The following OSMR variants were observed in gnomAD, a reference collection of about 807,000 sequenced individuals.
OSMR encodes the protein oncostatin-M-specific receptor subunit beta.
OSMR carries 81 observed loss-of-function variants against 99.9 expected under a neutral mutation model. The ratio of observed to expected loss-of-function variants is 0.81; its 90% confidence interval spans 0.68 to 0.97. The LOEUF is 0.97. OSMR is among the 50% of genes least tolerant of loss of function. The pLI, the probability that OSMR is intolerant of heterozygous loss-of-function variation, is 0.00. For missense variants in OSMR, 1,099 were observed against 1,153.4 expected, an observed-to-expected ratio of 0.95 and a Z score of 0.68; for synonymous variants, 406 against 410.4, an observed-to-expected ratio of 0.99 and a Z score of 0.13.
intron 5 of OSMR, 80 bp from the exon 6 acceptor site, chr5:38,885,269 A>G (rs1743622760): frequency 6.3e-7 from 1 of 1,599,520 alleles, no homozygotes; most frequent in Non-Finnish European, 8.5e-7. Flanking sequence ...CTGTGGCTTC[A>G]GACTCTAAAC....
intron 5 of OSMR, among the ~76,000 whole-genome samples, chr5:38,884,432 G>C (rs1365233529): frequency 2.6e-5 from 4 of 152,318 alleles, no homozygotes; most frequent in Non-Finnish European, 5.9e-5. Flanking sequence ...ATCATGGAGG[G>C]AGGGTAGGAG....
At chr5:38,915,997 T>C (rs1745872076) in intron 9 of OSMR, among the ~76,000 whole-genome samples, 1 of 152,246 alleles carries the variant, frequency 6.6e-6, no homozygotes, top group Non-Finnish European at 1.5e-5. Flanking sequence ...TTGTGGCTTA[T>C]GAATGTTTTA....
chr5:38,935,796 A>AT (rs1746993014), downstream of OSMR, among the ~76,000 whole-genome samples: 1 of 151,990 alleles, frequency 6.6e-6, no homozygotes. Flanking sequence ...CCTGGAATCT[A>AT]TTTTTTATCA....
intron 2 of OSMR, among the ~76,000 whole-genome samples, chr5:38,870,977 A>T (rs1742339997): frequency 6.6e-6 from 1 of 152,126 alleles, no homozygotes; most frequent in Admixed American, 6.5e-5. Flanking sequence ...TAACAGATGA[A>T]CTTGCCTTGT....
chr5:38,892,048 T>TG (rs1189752289), intron 7 of OSMR, among the ~76,000 whole-genome samples: 2 of 152,114 alleles, frequency 1.3e-5, no homozygotes, highest in African/African-American at 2.4e-5. Flanking sequence ...TGAGTTCCTC[T>TG]GGGGAAAAAC....
In OSMR at chr5:38,918,974, G is replaced by T; in HGVS notation, c.1497G>T (p.Arg499Ser). ...PANSTKLILD[R>S]CSYQICVIAN... ...ACAGCACAAAACTAATCCTTGACAG[G>T]TGTTCCTACCAAATCTGCGTCATAG... The change falls in exon 11 of 18, where the codon AGG becomes AGT. Residue 499 changes from arginine to serine, a missense_variant. Transcript: ENST00000274276. The T allele has an allele frequency of 6.2e-7, 1 of 1,614,124 alleles. No individual in the cohort carries two copies. Among genetic ancestry groups the T allele is most frequent in the Non-Finnish European group, 8.5e-7 (1 of 1,180,016 alleles).
At position 38,932,472 on chromosome 5, in the gene OSMR, G is replaced by A. The variant is rs142019699; in HGVS notation, c.2304G>A (p.Glu768=). 57 of 1,613,170 alleles carry A rather than the reference G, an allele frequency of 3.5e-5. No individual in the cohort carries two copies. Among genetic ancestry groups the A allele is most frequent in the African/African-American group, 6.7e-5 (5 of 74,896 alleles). ...TCGCTTTTTTTTCTAGGATCAAGGAGACCTGTTATCCTGACATCCCTGACC... is the reference window on the plus strand; with the variant it reads ...TCGCTTTTTTTTCTAGGATCAAGGAAACCTGTTATCCTGACATCCCTGACC... The part of the protein sequence containing the change: ...MCYLKSQWIK[E]TCYPDIPDPY... Residue 768 remains glutamate, a synonymous_variant, in exon 17 of 18, where the codon GAG becomes GAA. Coordinates refer to ENST00000274276, the MANE Select transcript of OSMR (RefSeq NM_003999.3).
chr5:38,907,027 AAT>A (rs1745283932), intron 9 of OSMR, among the ~76,000 whole-genome samples: 1 of 152,274 alleles, frequency 6.6e-6, no homozygotes, highest in South Asian at 2.1e-4. Context: ...ATATTTAAAA[AAT>A]AGAAGTTGGA....
At chr5:38,942,877 G>A (rs2112784782) in intron 1 of OSMR, 1 of 1,611,428 alleles carries the variant, frequency 6.2e-7, no homozygotes, top group Non-Finnish European at 8.5e-7. Flanking sequence ...ATGAACCTCC[G>A]ACACGGAAGT....
At chr5:38,848,877 G>A (rs1005920978) in intron 1 of OSMR, among the ~76,000 whole-genome samples, 2 of 151,860 alleles carry the variant, frequency 1.3e-5, no homozygotes, top group Admixed American at 6.6e-5. Context: ...GGGCTCAAGT[G>A]ATCCTCCCAC....
chr5:38,939,201 T>C (rs1008313737), downstream of OSMR: 2 of 232,964 alleles, frequency 8.6e-6, no homozygotes, highest in African/African-American at 4.4e-5. Context: ...AGTAGGAAAA[T>C]GTAAATAAGC....
chr5:38,913,081 C>A (rs1745687583), intron 9 of OSMR, among the ~76,000 whole-genome samples: 1 of 152,038 alleles, frequency 6.6e-6, no homozygotes, highest in South Asian at 2.1e-4. Flanking sequence ...ACAAGTCAGA[C>A]CTAATTAAAC....
At chr5:38,885,172 G>A in intron 5 of OSMR, 177 bp from the exon 6 acceptor site, 1 of 985,218 alleles carries the variant, frequency 1.0e-6, no homozygotes, top group Non-Finnish European at 1.2e-6. Context: ...AAGGGGCCAA[G>A]ATGAGGTGAC....
chr5:38,929,796 T>A lies in OSMR; in HGVS notation c.2213-2087T>A, dbSNP rs560848506. 1.2e-3 allele frequency among the ~76,000 whole-genome samples: 176 copies of A among 152,218 alleles called. 4 individuals are homozygous for A. The Middle Eastern group carries it at 0.017, about 15-fold the overall frequency. On this transcript the variant is annotated intron_variant, in intron 15 of 17. Coordinates refer to ENST00000274276, the MANE Select transcript of OSMR (RefSeq NM_003999.3). ...AGTGATTGTGAAAGGAAAATAAAAT[T>A]CACTATGCAAAGGAAAAAAATAAGC...
At chr5:38,893,317 T>A (rs1254939398) in intron 7 of OSMR, among the ~76,000 whole-genome samples, 1 of 152,148 alleles carries the variant, frequency 6.6e-6, no homozygotes, top group African/African-American at 2.4e-5. Context: ...CATCAAAGGA[T>A]CACTCTAGCT....
rs557392708 is a variant in OSMR at position 38,883,576 on chromosome 5, T to A, written c.419-251T>A. On this transcript the variant is annotated intron_variant, in intron 4 of 17. Transcript: ENST00000274276. ...AATAGCAATCATGCAATTATCAGAG[T>A]GGTAATAGTAATGTGCTGTCTGTGG... The A allele has an allele frequency of 1.1e-5, 4 of 355,426 alleles. No individual in the cohort carries two copies. The South Asian group carries it at 3.4e-4, about 30-fold the overall frequency. 22.0% of individuals were successfully genotyped at this position (355,426 alleles called of 1,614,324 possible).
intron 7 of OSMR, among the ~76,000 whole-genome samples, chr5:38,896,569 A>G (rs1744531821): frequency 6.6e-6 from 1 of 152,122 alleles, no homozygotes; most frequent in South Asian, 2.1e-4. Context: ...GTTTTAACAA[A>G]TATAAGATAA....
At chr5:38,867,386 G>A (rs1465742546) in intron 1 of OSMR, among the ~76,000 whole-genome samples, 1 of 152,286 alleles carries the variant, frequency 6.6e-6, no homozygotes, top group Admixed American at 6.5e-5. Flanking sequence ...AGAGGACATA[G>A]GCAGTAACAA....
chr5:38,851,229 T>C (rs1175871380), intron 1 of OSMR, among the ~76,000 whole-genome samples: 1 of 152,226 alleles, frequency 6.6e-6, no homozygotes, highest in African/African-American at 2.4e-5. Context: ...GAATGCTTTA[T>C]GTTGCAGAAC....
Sources: gnomAD v4.1 joint callset for allele counts (sites outside exome capture counted in the v4.1 genomes callset) on GRCh38, gnomAD v4.1.1 for gene constraint, MANE v1.5 for transcripts, NCBI Gene and HGNC (gene_info 2026-07-23, HGNC 2026-07-21) for gene names.